Variants in ABAT observed in about 807,000 individuals in gnomAD.
ABAT encodes the protein 4-aminobutyrate aminotransferase, also known as 4-aminobutyrate aminotransferase, mitochondrial.
A neutral mutation model predicts 64.6 loss-of-function variants in ABAT; 45 were observed. The ratio of observed to expected loss-of-function variants is 0.70; its 90% confidence interval spans 0.55 to 0.89. The LOEUF (loss-of-function observed/expected upper bound fraction) is 0.89, where lower values mean the gene tolerates loss of function less well. ABAT is among the 40% of genes least tolerant of loss of function. The pLI is 0.00. For missense variants in ABAT, 633 were observed against 658.4 expected, an observed-to-expected ratio of 0.96 and a Z score of 0.42; for synonymous variants, 297 against 250.5, an observed-to-expected ratio of 1.19 and a Z score of -1.75.
intron 1 of ABAT, among the ~76,000 whole-genome samples, chr16:8,687,891 G>T (rs1052223656): frequency 6.6e-6 from 1 of 150,820 alleles, no homozygotes; most frequent in Non-Finnish European, 1.5e-5. Flanking sequence ...GATGATAAGA[G>T]TTGAATGCTC....
chr16:8,713,773 C>A, intron 1 of ABAT: 1 of 435,282 alleles, frequency 2.3e-6, no homozygotes, highest in South Asian at 1.6e-5. Flanking sequence ...ATGAACCCAG[C>A]CAGCTGCGTT....
At chr16:8,733,068 C>G (rs1372824061) in intron 1 of ABAT, among the ~76,000 whole-genome samples, 6 of 144,404 alleles carry the variant, frequency 4.2e-5, no homozygotes, top group South Asian at 2.1e-4. Context: ...GCTGGCCGGG[C>G]GGGGGGCTGA....
intron 1 of ABAT, among the ~76,000 whole-genome samples, chr16:8,727,915 A>T (rs535683431): frequency 1.2e-4 from 19 of 152,256 alleles, no homozygotes; most frequent in East Asian, 7.7e-4. Flanking sequence ...CTAAAAATTT[A>T]AAAAAATTAG....
At chr16:8,765,064 G>T (rs954913019) in intron 8 of ABAT, among the ~76,000 whole-genome samples, 1 of 152,098 alleles carries the variant, frequency 6.6e-6, no homozygotes, top group African/African-American at 2.4e-5. Context: ...GGGCGCAGTC[G>T]TTCACACCTG....
At chr16:8,675,795 G>A (rs368985405) in intron 1 of ABAT, among the ~76,000 whole-genome samples, 63 of 152,284 alleles carry the variant, frequency 4.1e-4, no homozygotes, top group African/African-American at 1.3e-3. Flanking sequence ...CACGCACAAA[G>A]GCTGTGTTCA....
intron 5 of ABAT, among the ~76,000 whole-genome samples, chr16:8,752,513 C>G (rs1005783950): frequency 1.3e-5 from 2 of 152,228 alleles, no homozygotes; most frequent in Non-Finnish European, 2.9e-5. Context: ...AATCCCAGCA[C>G]TTTGGGAGGC....
chr16:8,737,864 G>T (rs913597169), intron 2 of ABAT, among the ~76,000 whole-genome samples: 1 of 144,440 alleles, frequency 6.9e-6, no homozygotes, highest in Non-Finnish European at 1.5e-5. Context: ...GAAGGCGGAG[G>T]TTGCAGTAAG....
chr16:8,721,403 A>G (rs749975921), intron 1 of ABAT, among the ~76,000 whole-genome samples: 6 of 152,144 alleles, frequency 3.9e-5, no homozygotes, highest in Non-Finnish European at 7.4e-5. Context: ...CCGAGCCTCC[A>G]GAGCTTCCCC....
intron 2 of ABAT, 24 bp downstream of exon 2, chr16:8,735,833 G>A: frequency 1.9e-6 from 3 of 1,576,034 alleles, no homozygotes; most frequent in South Asian, 1.1e-5. Flanking sequence ...GTCTTGATAA[G>A]AACTGGTACT....
chr16:8,766,213 G>T lies in ABAT; in HGVS notation c.546G>T (p.Lys182Asn). Residue 182 changes from lysine to asparagine, a missense_variant, in exon 9 of 16, where the codon AAG (lysine) becomes AAT (asparagine). Lys to Asn is a moderately conservative substitution (Grantham distance 94, BLOSUM62 0). Transcript: ENST00000268251. ...GTTCTGTTCTATTGTTTCAGAGCAA[G>T]GAAAGAGGGCAGAGGGGCTTCTCCC... is the stretch of plus-strand genomic sequence containing the variant. Reference protein sequence around the residue: ...LKTIFMWYRSKERGQRGFSQE... With the variant: ...LKTIFMWYRSNERGQRGFSQE... The T allele has an allele frequency of 6.2e-7, 1 of 1,614,020 alleles. No individual in the cohort carries two copies. Among genetic ancestry groups the T allele is most frequent in the Middle Eastern group, 1.6e-4 (1 of 6,062 alleles).
At chr16:8,767,951 C>A (rs1354622683) in intron 9 of ABAT, among the ~76,000 whole-genome samples, 1 of 151,522 alleles carries the variant, frequency 6.6e-6, no homozygotes, top group Non-Finnish European at 1.5e-5. Flanking sequence ...GCTGGGATTA[C>A]AGGTGTGAGC....
At chr16:8,739,048 CAGAAAG>C (rs1243968190) in intron 2 of ABAT, among the ~76,000 whole-genome samples, 1 of 152,218 alleles carries the variant, frequency 6.6e-6, no homozygotes, top group African/African-American at 2.4e-5. Flanking sequence ...GGTTCCAAGT[CAGAAAG>C]AGAGTCTGGC....
chr16:8,699,354 G>A (rs773465677), intron 1 of ABAT, among the ~76,000 whole-genome samples: 12 of 151,844 alleles, frequency 7.9e-5, no homozygotes, highest in African/African-American at 2.7e-4. Context: ...ATCACCTAAG[G>A]TCAGGAGTTC....
chr16:8,772,706 A>T (rs1596470211), intron 11 of ABAT, 74 bp from the exon 12 acceptor site: 1 of 1,592,628 alleles, frequency 6.3e-7, no homozygotes, highest in African/African-American at 1.3e-5. Flanking sequence ...GGCTCATCGA[A>T]CCCCAGATTC....
chr16:8,679,924 T>G (rs547953804), intron 1 of ABAT, among the ~76,000 whole-genome samples: 71 of 152,256 alleles, frequency 4.7e-4, no homozygotes, highest in African/African-American at 1.7e-3. Context: ...CTCTAGACAC[T>G]CCACACATTA....
At chr16:8,712,274 T>C (rs1037714293) in intron 1 of ABAT, among the ~76,000 whole-genome samples, 1 of 152,106 alleles carries the variant, frequency 6.6e-6, no homozygotes, top group African/African-American at 2.4e-5. Context: ...GTTTTAAAAA[T>C]TACCAAGTGC....
chr16:8,754,609 C>T (rs1457657764), intron 5 of ABAT, among the ~76,000 whole-genome samples: 5 of 152,164 alleles, frequency 3.3e-5, no homozygotes, highest in African/African-American at 1.2e-4. Flanking sequence ...GATTTCAGCT[C>T]GTTTCTCCTT....
chr16:8,733,390 G>T (rs2058813011), intron 1 of ABAT, among the ~76,000 whole-genome samples: 2 of 151,704 alleles, frequency 1.3e-5, no homozygotes, highest in South Asian at 4.1e-4. Flanking sequence ...CCAGACGATG[G>T]GCGGCCAGGC....
intron 1 of ABAT, among the ~76,000 whole-genome samples, chr16:8,698,618 G>A (rs1167503363): frequency 1.3e-5 from 2 of 152,144 alleles, no homozygotes; most frequent in African/African-American, 2.4e-5. Context: ...ACAGGCGTGA[G>A]CCACTGCGCC....
Sources: gnomAD v4.1 joint callset for allele counts (sites outside exome capture counted in the v4.1 genomes callset) on GRCh38, gnomAD v4.1.1 for gene constraint, MANE v1.5 for transcripts, NCBI Gene and HGNC (gene_info 2026-07-23, HGNC 2026-07-21) for gene names.